ACCS: variants seen among roughly 807,000 people sequenced by gnomAD.
ACCS encodes the protein 1-aminocyclopropane-1-carboxylate synthase homolog (inactive), also known as 1-aminocyclopropane-1-carboxylate synthase-like protein 1.
Under a neutral mutation model 59.8 loss-of-function variants are expected in ACCS, and 42 were observed. The ratio of observed to expected loss-of-function variants is 0.70; its 90% confidence interval spans 0.55 to 0.91. ACCS has a LOEUF of 0.91. ACCS is among the 40% of genes least tolerant of loss of function. The probability of loss-of-function intolerance (pLI) is 0.00; values close to 1 mark genes in which losing one functional copy is unlikely to be tolerated. For synonymous variants in ACCS, 230 were observed against 240.3 expected (o/e 0.96, Z 0.40); for missense variants, 602 against 630.4 (o/e 0.95, Z 0.48).
At position 44,068,058 on chromosome 11, in the gene ACCS, G is replaced by T. The variant is rs914661032; in HGVS notation, c.288+143G>T. 6 of 873,088 alleles carry T rather than the reference G, an allele frequency of 6.9e-6. No individual in the cohort carries two copies. The African/African-American group carries it at 1.0e-4, about 15-fold the overall frequency. 54.1% of individuals were successfully genotyped at this position (873,088 alleles called of 1,614,324 possible). A position where few individuals can be genotyped will look rare whatever the true frequency, so the allele number is the denominator to read the frequency against. ...GACCTCCAAGAGGGCTTCTGATGTA[G>T]CTTAGAGAGGCCCCAGTGTACTGCC... On this transcript the variant is annotated intron_variant, in intron 2 of 14. Coordinates refer to ENST00000263776, the MANE Select transcript of ACCS (RefSeq NM_032592.4).
intron 6 of ACCS, among the ~76,000 whole-genome samples, chr11:44,076,443 G>T (rs920629900): frequency 3.9e-5 from 6 of 152,170 alleles, no homozygotes; most frequent in Non-Finnish European, 8.8e-5. Context: ...GACACAGGAG[G>T]TTAACTTGTC....
In ACCS at chr11:44,077,659, A is replaced by AG. The variant is rs556636504; in HGVS notation, c.655-181dup. The AG allele has an allele frequency of 6.2e-6, 9 of 1,440,126 alleles. No individual in the cohort carries two copies. In the South Asian group the frequency reaches 1.3e-4, roughly 22 times the overall value. 89.2% of individuals were successfully genotyped at this position (1,440,126 alleles called of 1,614,324 possible). A position where few individuals can be genotyped will look rare whatever the true frequency, so the allele number is the denominator to read the frequency against. Reference sequence around the variant, plus strand: ...CTAAGCATGACACCCAAGAGTGATGAGGGGGTCTCTGAAGTGATGGGTTGG... The same window carrying AG: ...CTAAGCATGACACCCAAGAGTGATGAGGGGGGTCTCTGAAGTGATGGGTTGG... On this transcript the variant is annotated intron_variant, in intron 7 of 14. Coordinates refer to ENST00000263776, the MANE Select transcript of ACCS (RefSeq NM_032592.4).
At position 44,079,599 on chromosome 11, in the gene ACCS, G is replaced by C; in HGVS notation, c.902G>C (p.Arg301Pro). 2 of 1,610,602 alleles carry C rather than the reference G, an allele frequency of 1.2e-6. No individual in the cohort carries two copies. Among genetic ancestry groups the C allele is most frequent in the Non-Finnish European group, 1.7e-6 (2 of 1,178,678 alleles). ...LSVFEKSVGY[R>P]SVLSLERLPD... ...GTGTTTGAGAAGTCTGTTGGGTACC[G>C]CAGTGTCCTAAGCCTGGAAAGGTGA... Residue 301 changes from arginine to proline, a missense_variant, in exon 10 of 15, where the codon CGC (arginine) becomes CCC (proline). Arg to Pro is a moderately radical substitution (Grantham distance 103, BLOSUM62 -2). Coordinates refer to ENST00000263776, the MANE Select transcript of ACCS (RefSeq NM_032592.4).
chr11:44,078,076 G>A (rs1953463439), intron 8 of ACCS, 154 bp downstream of exon 8: 1 of 1,015,130 alleles, frequency 9.9e-7, no homozygotes, highest in Non-Finnish European at 1.4e-6. Flanking sequence ...TATTCTGGGA[G>A]TCAGGCAGAA....
rs1313506444 is a variant in ACCS, at chr11:44,083,281, T to A, written c.1224T>A (p.Ala408=). ...GGATCCCCTTCTTGAGTCGTGGGGC[T>A]GGCTTCTTCATCTGGGTTGACTTGA... ...ALGIPFLSRG[A]GFFIWVDLRK... is the part of the protein sequence containing the mutation. Residue 408 remains alanine (A), a synonymous_variant, in exon 13 of 15, where the codon GCT becomes GCA. Coordinates refer to ENST00000263776, the MANE Select transcript of ACCS (RefSeq NM_032592.4). 1 of 1,614,178 alleles carries A rather than the reference T, an allele frequency of 6.2e-7. No individual in the cohort carries two copies. Among genetic ancestry groups the A allele is most frequent in the South Asian group, 1.1e-5 (1 of 91,084 alleles).
In ACCS at chr11:44,073,379, C is replaced by G. The variant is rs916895472; in HGVS notation, c.349-68C>G. The stretch of plus-strand genomic sequence containing the variant: ...GAGCAGAACAAGCGTTCAGCTTTAC[C>G]TGCCCTGTGCTGTGGATGCTGGTAG... On this transcript the variant is annotated intron_variant, in intron 3 of 14. Coordinates refer to ENST00000263776, the MANE Select transcript of ACCS (RefSeq NM_032592.4). 23 of 1,321,584 alleles carry G rather than the reference C, an allele frequency of 1.7e-5. No individual in the cohort carries two copies. The African/African-American group carries it at 3.2e-4, about 18-fold the overall frequency. The allele number at this position is 1,321,584 out of a possible 1,614,324, so 81.9% of individuals were successfully genotyped here.
At chr11:44,078,914 G>A (rs1953505755) in intron 9 of ACCS, 130 bp downstream of exon 9, 2 of 690,136 alleles carry the variant, frequency 2.9e-6, no homozygotes, top group Admixed American at 2.7e-5. Context: ...TTCCTTGGCA[G>A]TGGAGCGGGG....
intron 5 of ACCS, 129 bp from the exon 6 acceptor site, chr11:44,075,397 G>A (rs947573150): frequency 1.4e-5 from 13 of 921,910 alleles, no homozygotes; most frequent in African/African-American, 1.6e-5. Context: ...TAGTGGCTTT[G>A]TTGTGACAGA....
rs370196359 is a variant in ACCS at position 44,075,480 on chromosome 11, C to G, written c.490-46C>G. On this transcript the variant is annotated intron_variant, in intron 5 of 14. Transcript: ENST00000263776. Reference sequence around the variant, plus strand: ...CTGGGAGGCTGCGGGTCCGTGCACACTCCTGGAACTGGTTCATCTTCATCC... The same window carrying G: ...CTGGGAGGCTGCGGGTCCGTGCACAGTCCTGGAACTGGTTCATCTTCATCC... The G allele has an allele frequency of 1.6e-5, 26 of 1,601,998 alleles. No individual in the cohort carries two copies. In the African/African-American group the frequency reaches 2.7e-4, roughly 17 times the overall value.
Position 44,071,334 on chromosome 11 carries a change from C to G in ACCS, c.348+19C>G. The stretch of plus-strand genomic sequence containing the variant: ...CTGGCGGGTAAGTCCTAGGGCCCCT[C>G]TAGGGGGCATCACCAGCTCCGAGGA... On this transcript the variant is annotated intron_variant, in intron 3 of 14. Coordinates refer to ENST00000263776, the MANE Select transcript of ACCS (RefSeq NM_032592.4). The G allele has an allele frequency of 2.5e-6, 4 of 1,612,884 alleles. No homozygotes were observed. The highest frequency in any genetic ancestry group is 3.4e-6 in the Non-Finnish European group (4 of 1,179,028).
intron 2 of ACCS, among the ~76,000 whole-genome samples, chr11:44,068,530 G>A (rs1952897476): frequency 6.6e-6 from 1 of 152,164 alleles, no homozygotes; most frequent in Admixed American, 6.5e-5. Context: ...GCTTGAACCT[G>A]GAAGGTTGAG....
chr11:44,078,245 G>A, intron 8 of ACCS: 1 of 343,866 alleles, frequency 2.9e-6, no homozygotes, highest in Non-Finnish European at 5.2e-6. Context: ...GGTTTTACAA[G>A]TCTCCCTGGT....
At chr11:44,082,923 A>AG (rs1308578154) in intron 12 of ACCS, among the ~76,000 whole-genome samples, 1 of 152,004 alleles carries the variant, frequency 6.6e-6, no homozygotes, top group African/African-American at 2.4e-5. Flanking sequence ...CTTTGCGCTG[A>AG]GGGGGTGTGG....
At chr11:44,069,347 G>C (rs531323327) in intron 2 of ACCS, among the ~76,000 whole-genome samples, 2 of 152,202 alleles carry the variant, frequency 1.3e-5, no homozygotes, top group Admixed American at 6.5e-5. Context: ...TTCCTGAGTA[G>C]CTGGGATTAC....
At position 44,077,894 on chromosome 11, in the gene ACCS, A is replaced by G; in HGVS notation, c.704A>G (p.Glu235Gly). 1.2e-6 allele frequency: 2 copies of G among 1,614,048 alleles called. No homozygotes were observed. The highest frequency in any genetic ancestry group is 1.7e-6 in the Non-Finnish European group (2 of 1,179,986). Residue 235 changes from glutamate (E) to glycine (G), a missense_variant, in exon 8 of 15, where the codon GAG becomes GGG. Coordinates refer to ENST00000263776, the MANE Select transcript of ACCS (RefSeq NM_032592.4). ...RPFQLTVEKLEMALREAHSEG... is the reference protein window; with the variant it reads ...RPFQLTVEKLGMALREAHSEG... ...TTCCAGCTCACAGTGGAGAAGCTGG[A>G]GATGGCCCTGAGAGAAGCTCACTCT... is the stretch of plus-strand genomic sequence containing the variant.
chr11:44,080,874 G>T, intron 10 of ACCS, 146 bp from the exon 11 acceptor site: 1 of 960,330 alleles, frequency 1.0e-6, no homozygotes, highest in Non-Finnish European at 1.6e-6. Flanking sequence ...GGATGCATGG[G>T]AATGGGTGGT....
chr11:44,072,689 C>T (rs1953118177), intron 3 of ACCS, among the ~76,000 whole-genome samples: 1 of 152,070 alleles, frequency 6.6e-6, no homozygotes, highest in African/African-American at 2.4e-5. Flanking sequence ...ATATATTTTA[C>T]ATACTTTTTT....
At chr11:44,071,907 A>C (rs955011185) in intron 3 of ACCS, among the ~76,000 whole-genome samples, 1 of 152,158 alleles carries the variant, frequency 6.6e-6, no homozygotes, top group African/African-American at 2.4e-5. Flanking sequence ...GTTTATATTA[A>C]TTTGCTTTTT....
rs201536346 is a variant in ACCS, at chr11:44,083,513, C to A, written c.1344C>A (p.Phe448Leu). The A allele has an allele frequency of 2.7e-5, 43 of 1,614,226 alleles. No homozygotes were observed. The highest frequency in any genetic ancestry group is 1.7e-6 in the Non-Finnish European group (2 of 1,180,038). ...TGCTGCTGTCCTTTGGCAAGGCCTT[C>A]GAGTGTAAAGAGCCTGGTTGGTTTC... ...NKVLLSFGKA[F>L]ECKEPGWFRF... is the part of the protein sequence containing the mutation. The change falls in exon 14 of 15, where the codon TTC (phenylalanine) becomes TTA (leucine). Residue 448 changes from phenylalanine (F) to leucine (L), a missense_variant. Phe to Leu is a conservative substitution (Grantham distance 22). Transcript: ENST00000263776.
Sources: allele counts gnomAD v4.1 joint callset (sites outside exome capture counted in the v4.1 genomes callset), GRCh38; gene constraint gnomAD v4.1.1; transcripts MANE v1.5; gene names NCBI Gene and HGNC (gene_info 2026-07-23, HGNC 2026-07-21).